Variants in ARSG observed in about 807,000 individuals in gnomAD.
The protein encoded by ARSG is ASG.
A neutral mutation model predicts 50.5 loss-of-function variants in ARSG; 37 were observed. The observed-to-expected ratio is 0.73, with a 90% CI of 0.56 to 0.96. The LOEUF is 0.96. Among genes scored for constraint, ARSG ranks in the 50% least tolerant of loss-of-function variants. ARSG has a pLI of 0.00. For synonymous variants in ARSG, 225 were observed against 254.6 expected, an observed-to-expected ratio of 0.88 and a Z score of 1.11; for missense variants, 629 against 675.3, an observed-to-expected ratio of 0.93 and a Z score of 0.76.
the ARSG span, chr17:68,450,975 C>A: frequency 2.0e-6 from 3 of 1,516,800 alleles, no homozygotes; most frequent in Non-Finnish European, 2.6e-6. Flanking sequence ...ACACTGGGCC[C>A]GGCGCAGGCC....
intron 5 of ARSG, among the ~76,000 whole-genome samples, chr17:68,355,941 G>A (rs745597582): frequency 1.3e-5 from 2 of 151,836 alleles, no homozygotes; most frequent in Non-Finnish European, 2.9e-5. Flanking sequence ...GAGTGCAGTG[G>A]GATGATCTCA....
chr17:68,421,616 G>T, downstream of ARSG: 2 of 980,626 alleles, frequency 2.0e-6, no homozygotes, highest in Non-Finnish European at 3.1e-6. Context: ...GAAGCTTGGT[G>T]AGGAGTTAAC....
chr17:68,278,059 C>G, intron 1 of ARSG: 3 of 1,518,874 alleles, frequency 2.0e-6, no homozygotes, highest in Non-Finnish European at 2.7e-6. Context: ...CCTATACTTA[C>G]GTCATGGTTA....
chr17:68,426,249 C>CGGGGGGGGGGGGG, downstream of ARSG: 1 of 776,014 alleles, frequency 1.3e-6, no homozygotes, highest in Non-Finnish European at 1.9e-6. Flanking sequence ...GGGTGGGGAG[C>CGGGGGGGGGGGGG]GGGGGCTCAA....
In ARSG at chr17:68,319,519, A is replaced by G. The variant is rs78489991; in HGVS notation, c.218+11808A>G. On this transcript the variant is annotated intron_variant, in intron 2 of 11. Coordinates refer to ENST00000621439, the MANE Select transcript of ARSG (RefSeq NM_001267727.2). ...AACACAATGACCTAGATGGTAGCCA[A>G]TCTTAGAGAAAAGAAAAGGAACTGA... 4.2e-3 allele frequency among the ~76,000 whole-genome samples: 633 copies of G among 152,348 alleles called. 4 individuals are homozygous for G. Among genetic ancestry groups the G allele is most frequent in the African/African-American group, 0.015 (611 of 41,578 alleles).
At chr17:68,449,657 C>A in the ARSG span, among the ~76,000 whole-genome samples, 35 of 152,180 alleles carry the variant, frequency 2.3e-4, no homozygotes, top group Admixed American at 1.3e-4. Flanking sequence ...ACGTAAGACG[C>A]CTGCTCCCGC....
chr17:68,390,009 T>C (rs537217964), intron 9 of ARSG, among the ~76,000 whole-genome samples: 1 of 152,144 alleles, frequency 6.6e-6, no homozygotes, highest in South Asian at 2.1e-4. Context: ...TTTTTTTAGA[T>C]GGAGTTTCAC....
chr17:68,390,136 C>T (rs934215917), intron 9 of ARSG, among the ~76,000 whole-genome samples: 43 of 152,166 alleles, frequency 2.8e-4, no homozygotes, highest in African/African-American at 7.2e-4. Context: ...TACAGGCATG[C>T]GCCACCATGC....
chr17:68,324,708 A>G (rs1555771788), intron 2 of ARSG, among the ~76,000 whole-genome samples: 1 of 152,210 alleles, frequency 6.6e-6, no homozygotes, highest in Non-Finnish European at 1.5e-5. Flanking sequence ...TAGAATGGGA[A>G]TTTGGATGCC....
chr17:68,353,962 G>A (rs1466511462), intron 5 of ARSG, among the ~76,000 whole-genome samples: 6 of 150,786 alleles, frequency 4.0e-5, no homozygotes, highest in East Asian at 3.9e-4. Flanking sequence ...TCGGCTTCCC[G>A]AAATGCTGGG....
chr17:68,312,075 C>T (rs2076881898), intron 2 of ARSG, among the ~76,000 whole-genome samples: 1 of 152,194 alleles, frequency 6.6e-6, no homozygotes, highest in Admixed American at 6.5e-5. Flanking sequence ...GCTGCGATTA[C>T]AGGTCTGAGC....
At chr17:68,317,540 C>T (rs1043833531) in intron 2 of ARSG, among the ~76,000 whole-genome samples, 1 of 151,144 alleles carries the variant, frequency 6.6e-6, no homozygotes, top group Admixed American at 6.6e-5. Context: ...AGGGCGTTGT[C>T]GTTTAGGGCC....
At chr17:68,346,737 G>A in intron 3 of ARSG, 15 of 1,271,336 alleles carry the variant, frequency 1.2e-5, no homozygotes, top group Non-Finnish European at 1.5e-5. Flanking sequence ...ATGTGGGGCG[G>A]TGCACCTGCA....
At chr17:68,281,912 A>G (rs1295056607) in intron 1 of ARSG, among the ~76,000 whole-genome samples, 3 of 152,206 alleles carry the variant, frequency 2.0e-5, no homozygotes, top group African/African-American at 7.2e-5. Flanking sequence ...GGGACTGTAA[A>G]CTAGTTCAAC....
intron 8 of ARSG, among the ~76,000 whole-genome samples, chr17:68,373,064 TG>T (rs1379679389): frequency 2.3e-5 from 3 of 130,298 alleles, no homozygotes; most frequent in Admixed American, 7.8e-5. Flanking sequence ...GCTAATTTTT[TG>T]TTTGTTTTTT....
At chr17:68,389,763 C>A (rs767429277) in intron 9 of ARSG, among the ~76,000 whole-genome samples, 1 of 152,026 alleles carries the variant, frequency 6.6e-6, no homozygotes, top group Non-Finnish European at 1.5e-5. Flanking sequence ...TCAGATCCAC[C>A]TTTTTTCCAG....
At position 68,367,936 on chromosome 17, in the gene ARSG, G is replaced by A. The variant is rs886919667; in HGVS notation, c.705-612G>A. On this transcript the variant is annotated intron_variant, in intron 6 of 11. Transcript: ENST00000621439. This position sits in a 1 kb window ranked among gnomAD's most constrained non-coding sequence, Gnocchi z 4.5. ...AAATACAAAATTAGACGGGCATGGG[G>A]GTGGGCACCTGTAATTCCAGCTACT... Among the ~76,000 whole-genome samples, 4 of 152,132 alleles carry A rather than the reference G, an allele frequency of 2.6e-5. No homozygotes were observed. Among genetic ancestry groups the A allele is most frequent in the Non-Finnish European group, 5.9e-5 (4 of 68,018 alleles).
intron 2 of ARSG, among the ~76,000 whole-genome samples, chr17:68,333,399 G>A (rs577728594): frequency 5.9e-5 from 9 of 152,132 alleles, no homozygotes; most frequent in Admixed American, 2.0e-4. Flanking sequence ...AGGCCAAGGC[G>A]GGCGGATCAC....
chr17:68,439,266 G>T, the ARSG span, among the ~76,000 whole-genome samples: 1 of 152,132 alleles, frequency 6.6e-6, no homozygotes, highest in Non-Finnish European at 1.5e-5. Context: ...AAGAAAATGT[G>T]ATATATTTTT....
Sources: gnomAD v4.1 joint callset for allele counts (sites outside exome capture counted in the v4.1 genomes callset) on GRCh38, gnomAD v4.1.1 for gene constraint, Gnocchi (gnomAD v3.1) non-coding constraint, MANE v1.5 for transcripts, NCBI Gene and HGNC (gene_info 2026-07-23, HGNC 2026-07-21) for gene names.